The following PTPRT variants were observed in gnomAD, a reference collection of about 807,000 sequenced individuals.
PTPRT encodes the protein receptor-type tyrosine-protein phosphatase T.
PTPRT carries 56 observed loss-of-function variants against 176.8 expected under a neutral mutation model. That is an observed-to-expected ratio of 0.32 (90% CI 0.26 to 0.40). PTPRT has a LOEUF of 0.40. Ranked by LOEUF, PTPRT falls within the 10% of genes least tolerant of loss-of-function variation. The pLI is 1.00. For missense variants in PTPRT, 1,540 were observed against 1,908.2 expected (o/e 0.81, Z 3.60); for synonymous variants, 783 against 739.0 (o/e 1.06, Z -0.96).
chr20:42,483,733 C>T (rs978685190), intron 7 of PTPRT, among the ~76,000 whole-genome samples: 3 of 152,226 alleles, frequency 2.0e-5, no homozygotes, highest in African/African-American at 7.2e-5. Context: ...CCACAGTAAG[C>T]ACAAAAACTG....
chr20:42,723,504 G>A (rs967362959), intron 6 of PTPRT, among the ~76,000 whole-genome samples: 2 of 152,140 alleles, frequency 1.3e-5, no homozygotes, highest in African/African-American at 4.8e-5. Context: ...TAGCAATGCG[G>A]GCACCTGCCA....
intron 12 of PTPRT, among the ~76,000 whole-genome samples, chr20:42,309,474 T>C (rs902908566): frequency 3.9e-5 from 6 of 152,138 alleles, no homozygotes; most frequent in Non-Finnish European, 8.8e-5. Flanking sequence ...AAAATCTTAC[T>C]ACTATGATGG....
intron 9 of PTPRT, among the ~76,000 whole-genome samples, chr20:42,426,315 G>A (rs1245968982): frequency 6.6e-6 from 1 of 152,092 alleles, no homozygotes; most frequent in Non-Finnish European, 1.5e-5. Flanking sequence ...GAGGAGAGAA[G>A]AGAAGGAGCA....
chr20:42,089,157 C>T (rs992385763), intron 27 of PTPRT, among the ~76,000 whole-genome samples: 1 of 151,964 alleles, frequency 6.6e-6, no homozygotes, highest in Admixed American at 6.6e-5. Context: ...GGTCACGGGC[C>T]TCCATGGCTG....
chr20:42,346,996 G>A (rs1600867091), intron 11 of PTPRT, among the ~76,000 whole-genome samples: 2 of 152,136 alleles, frequency 1.3e-5, no homozygotes, highest in South Asian at 2.1e-4. Flanking sequence ...CGGTCATCAC[G>A]TGACATACCA....
chr20:42,431,721 T>G (rs2059217096), intron 9 of PTPRT, among the ~76,000 whole-genome samples: 1 of 152,182 alleles, frequency 6.6e-6, no homozygotes, highest in Admixed American at 6.5e-5. Context: ...CTATTGTACA[T>G]ACAAGATCCT....
intron 6 of PTPRT, among the ~76,000 whole-genome samples, chr20:42,742,348 G>A (rs945664363): frequency 6.6e-6 from 1 of 152,224 alleles, no homozygotes; most frequent in African/African-American, 2.4e-5. Context: ...CCTCCCTGCA[G>A]TAGCACCACC....
chr20:42,850,322 T>A (rs2078445933), intron 2 of PTPRT, among the ~76,000 whole-genome samples: 1 of 152,206 alleles, frequency 6.6e-6, no homozygotes, highest in African/African-American at 2.4e-5. Context: ...GTCCTCAAGT[T>A]GAAAAGCACT....
intron 2 of PTPRT, among the ~76,000 whole-genome samples, chr20:42,808,212 C>T (rs2077641623): frequency 6.6e-6 from 1 of 152,200 alleles, no homozygotes; most frequent in African/African-American, 2.4e-5. Flanking sequence ...TCATCCCTTC[C>T]TTCCCTTCCA....
chr20:42,374,981 A>G (rs2058633925), intron 9 of PTPRT, among the ~76,000 whole-genome samples: 1 of 152,248 alleles, frequency 6.6e-6, no homozygotes. Flanking sequence ...ACTATTACAA[A>G]TAAGAATCTA....
intron 2 of PTPRT, among the ~76,000 whole-genome samples, chr20:42,836,997 G>C (rs2145712613): frequency 6.6e-6 from 1 of 152,326 alleles, no homozygotes; most frequent in South Asian, 2.1e-4. Flanking sequence ...CCAGCAGTCT[G>C]AGGCCAGACT....
At chr20:42,419,563 T>C (rs2059097345) in intron 9 of PTPRT, among the ~76,000 whole-genome samples, 1 of 152,198 alleles carries the variant, frequency 6.6e-6, no homozygotes, top group Non-Finnish European at 1.5e-5. Flanking sequence ...GCACTGTGGA[T>C]GCTGGAACTT....
chr20:42,639,868 T>C (rs946041511), intron 7 of PTPRT, among the ~76,000 whole-genome samples: 2 of 152,122 alleles, frequency 1.3e-5, no homozygotes, highest in African/African-American at 2.4e-5. Flanking sequence ...GTCTTTTTAC[T>C]CTGGCCATGG....
chr20:42,713,995 T>C (rs563549005), intron 6 of PTPRT, among the ~76,000 whole-genome samples: 1 of 152,298 alleles, frequency 6.6e-6, no homozygotes, highest in South Asian at 2.1e-4. Context: ...CTTTATAAAT[T>C]ATCCAGTCTC....
At chr20:42,884,852 G>C (rs1600517963) in intron 2 of PTPRT, among the ~76,000 whole-genome samples, 1 of 152,098 alleles carries the variant, frequency 6.6e-6, no homozygotes, top group Non-Finnish European at 1.5e-5. Context: ...ATTCAGAAAA[G>C]TGAGCTTCAC....
intron 13 of PTPRT, among the ~76,000 whole-genome samples, chr20:42,269,398 C>T (rs760416789): frequency 1.2e-4 from 18 of 152,154 alleles, no homozygotes; most frequent in Non-Finnish European, 2.5e-4. Flanking sequence ...ATTAGTAGAC[C>T]GGAGGCCATT....
In PTPRT at chr20:42,999,617, TG is replaced by T. The variant is rs1306960934; in HGVS notation, c.89-113686del. ...AAAAAAAAACTTGTGGTTTTTTTTT[TG>T]TTGTTGTTGTTGTTGTGGTGGTTGT... On this transcript the variant is annotated intron_variant, in intron 1 of 30. Transcript: ENST00000373187. Among the ~76,000 whole-genome samples the T allele has an allele frequency of 1.5e-3, 226 of 150,080 alleles. 1 individual carries two copies. Among genetic ancestry groups the T allele is most frequent in the Middle Eastern group, 6.8e-3 (2 of 292 alleles).
Position 42,199,390 on chromosome 20 carries a change from T to C in PTPRT, c.2343-2A>G. The C allele has an allele frequency of 6.2e-7, 1 of 1,613,422 alleles. No individual in the cohort carries two copies. Among genetic ancestry groups the C allele is most frequent in the Non-Finnish European group, 8.5e-7 (1 of 1,179,734 alleles). On this transcript the variant is annotated splice_acceptor_variant, in intron 15 of 30. Transcript: ENST00000373187. LOFTEE classifies it high-confidence loss of function. Reference sequence around the variant, plus strand: ...TCCTTCTGCTTCTTGGCCAGCTTCCTTTGGGACATGTGCAAGGGGAAAAAA... The same window carrying C: ...TCCTTCTGCTTCTTGGCCAGCTTCCCTTGGGACATGTGCAAGGGGAAAAAA...
intron 9 of PTPRT, among the ~76,000 whole-genome samples, chr20:42,427,972 T>C (rs909706114): frequency 2.0e-5 from 3 of 152,158 alleles, no homozygotes; most frequent in African/African-American, 7.2e-5. Context: ...TCCTATAAAA[T>C]GGCCCCACCC....
Sources: gnomAD v4.1 joint callset for allele counts (sites outside exome capture counted in the v4.1 genomes callset) on GRCh38, gnomAD v4.1.1 for gene constraint, MANE v1.5 for transcripts, NCBI Gene and HGNC (gene_info 2026-07-23, HGNC 2026-07-21) for gene names.